The following FER variants were observed in gnomAD, a reference collection of about 807,000 sequenced individuals.
FER encodes the protein FER tyrosine kinase.
FER carries 63 observed loss-of-function variants against 111.0 expected under a neutral mutation model. That is an observed-to-expected ratio of 0.57 (90% CI 0.46 to 0.70). The LOEUF (loss-of-function observed/expected upper bound fraction) is 0.70, where lower values mean the gene tolerates loss of function less well. FER is among the 30% of genes least tolerant of loss of function. The probability of loss-of-function intolerance (pLI) is 0.00; values close to 1 mark genes in which losing one functional copy is unlikely to be tolerated. For synonymous variants in FER, 327 were observed against 313.9 expected, an observed-to-expected ratio of 1.04 and a Z score of -0.44; for missense variants, 914 against 954.0, an observed-to-expected ratio of 0.96 and a Z score of 0.55.
intron 10 of FER, among the ~76,000 whole-genome samples, chr5:108,935,799 A>T (rs1755381784): frequency 6.6e-6 from 1 of 151,954 alleles, no homozygotes; most frequent in Admixed American, 6.6e-5. Context: ...TTATGGTCCA[A>T]CTCTGAGTTA....
At chr5:108,923,895 C>T (rs1252001334) in intron 10 of FER, among the ~76,000 whole-genome samples, 1 of 151,832 alleles carries the variant, frequency 6.6e-6, no homozygotes, top group Admixed American at 6.6e-5. Context: ...AAAATTAAAA[C>T]ACATTGGATT....
intron 16 of FER, chr5:109,051,871 T>C: frequency 6.4e-7 from 1 of 1,561,644 alleles, no homozygotes; most frequent in Non-Finnish European, 8.8e-7. Context: ...GAGGAAGCAG[T>C]CCACCTGATG....
At chr5:109,054,488 TAA>T (rs1485300168) in intron 16 of FER, among the ~76,000 whole-genome samples, 1 of 152,242 alleles carries the variant, frequency 6.6e-6, no homozygotes, top group Non-Finnish European at 1.5e-5. Flanking sequence ...TTCTTGTAAT[TAA>T]GTCTTGGTTC....
At chr5:109,135,199 T>A (rs1268687302) in intron 17 of FER, among the ~76,000 whole-genome samples, 2 of 152,132 alleles carry the variant, frequency 1.3e-5, no homozygotes, top group Non-Finnish European at 2.9e-5. Context: ...ATAATAATGG[T>A]AGGTAACATT....
rs1279200968 is a variant in FER at position 108,898,552 on chromosome 5, CTCCCT to C, written c.1236+720_1236+724del. Among the ~76,000 whole-genome samples, 637 of 130,378 alleles carry C rather than the reference CTCCCT, an allele frequency of 4.9e-3. 3 individuals are homozygous for C. The highest frequency in any genetic ancestry group is 7.9e-3 in the Non-Finnish European group (476 of 60,104). The allele number at this position is 130,378 out of a possible 152,430, so 85.5% of individuals were successfully genotyped here. On this transcript the variant is annotated intron_variant, in intron 10 of 19. Transcript: ENST00000281092. ...CTTTCCCTCCCTTCCCCTCCCCTTC[CTCCCT>C]TCCCTTCCCTTCCCTCCCTTCCCCT...
chr5:108,931,222 C>G (rs1232024235), intron 10 of FER, among the ~76,000 whole-genome samples: 2 of 152,136 alleles, frequency 1.3e-5, no homozygotes, highest in Admixed American at 1.3e-4. Context: ...TTAGTATTCT[C>G]TTTTCAACAG....
intron 17 of FER, among the ~76,000 whole-genome samples, chr5:109,118,959 C>G (rs949579872): frequency 2.6e-5 from 4 of 151,154 alleles, no homozygotes; most frequent in Non-Finnish European, 4.4e-5. Context: ...AAAAAACCAG[C>G]TGCTGGATTC....
At chr5:108,884,512 G>GTTTTTTTTTTTT (rs776345488) in intron 9 of FER, among the ~76,000 whole-genome samples, 3 of 144,526 alleles carry the variant, frequency 2.1e-5, no homozygotes, top group African/African-American at 5.1e-5. Flanking sequence ...CTTATGCCTG[G>GTTTTTTTTTTTT]TTTTTTTTTT....
intron 17 of FER, among the ~76,000 whole-genome samples, chr5:109,165,251 T>C (rs1756408600): frequency 6.6e-6 from 1 of 152,184 alleles, no homozygotes; most frequent in South Asian, 2.1e-4. Context: ...GGTATACCCC[T>C]ACAAGAGGTG....
intron 5 of FER, among the ~76,000 whole-genome samples, chr5:108,836,509 T>C (rs1163228274): frequency 6.6e-6 from 1 of 152,126 alleles, no homozygotes; most frequent in East Asian, 1.9e-4. Context: ...ATTTTTTCTT[T>C]ATGAAAGTTG....
At chr5:108,975,901 A>G (rs1174864750) in intron 13 of FER, among the ~76,000 whole-genome samples, 2 of 152,150 alleles carry the variant, frequency 1.3e-5, no homozygotes, top group African/African-American at 4.8e-5. Context: ...ATGGACTGAG[A>G]TGCTATAGGA....
chr5:108,966,482 G>C (rs1219881781), intron 13 of FER, among the ~76,000 whole-genome samples: 13 of 150,962 alleles, frequency 8.6e-5, no homozygotes, highest in Admixed American at 7.9e-4. Flanking sequence ...CCACCTCCTG[G>C]GTTCAAGCAA....
chr5:108,872,974 G>A (rs545295836), intron 8 of FER, among the ~76,000 whole-genome samples: 1 of 152,054 alleles, frequency 6.6e-6, no homozygotes, highest in Non-Finnish European at 1.5e-5. Flanking sequence ...CATATCACCT[G>A]TTGGAAATTT....
At chr5:109,000,391 A>C (rs957047641) in intron 13 of FER, among the ~76,000 whole-genome samples, 4 of 152,112 alleles carry the variant, frequency 2.6e-5, no homozygotes, top group Admixed American at 1.3e-4. Context: ...TTCATGAAGC[A>C]AAACAAATGG....
At chr5:108,797,403 A>G (rs910429790) in intron 2 of FER, among the ~76,000 whole-genome samples, 9 of 152,086 alleles carry the variant, frequency 5.9e-5, no homozygotes, top group Admixed American at 3.9e-4. Context: ...CTGAAACTCA[A>G]GTTCTGACTG....
rs1407660519 is a variant in FER at position 109,153,647 on chromosome 5, A to G, written c.2049-27100A>G. Among the ~76,000 whole-genome samples, 11 of 151,912 alleles carry G rather than the reference A, an allele frequency of 7.2e-5. No individual in the cohort carries two copies. In the East Asian group the frequency reaches 2.1e-3, roughly 29 times the overall value. On this transcript the variant is annotated intron_variant, in intron 17 of 19. Coordinates refer to ENST00000281092, the MANE Select transcript of FER (RefSeq NM_005246.4). ...TATCAACATTTATGTATTGCTTTCT[A>G]TTTGCCAGGATCTATTCTAAATTTT... is the stretch of plus-strand genomic sequence containing the variant.
rs567452812 is a variant in FER at position 108,981,681 on chromosome 5, TG to T, written c.1656+22335del. 3.2e-4 allele frequency among the ~76,000 whole-genome samples: 49 copies of T among 152,278 alleles called. 3 individuals carry two copies. The South Asian group carries it at 9.9e-3, about 31-fold the overall frequency. On this transcript the variant is annotated intron_variant, in intron 13 of 19. Transcript: ENST00000281092. ...CTAAGTGCTTTACTCATTAAATTTT[TG>T]TAAAAATCTTACGAGGTGGATATTA...
intron 13 of FER, among the ~76,000 whole-genome samples, chr5:108,971,118 T>G (rs1760595278): frequency 6.6e-6 from 1 of 152,088 alleles, no homozygotes; most frequent in Non-Finnish European, 1.5e-5. Flanking sequence ...ATGTTCATTT[T>G]ACCATGTTTC....
chr5:108,926,149 T>G (rs1251340649), intron 10 of FER, among the ~76,000 whole-genome samples: 2 of 151,630 alleles, frequency 1.3e-5, no homozygotes, highest in Non-Finnish European at 2.9e-5. Flanking sequence ...CTTAATTCTC[T>G]TAAATTTTAT....
Sources: gnomAD v4.1 joint callset for allele counts (sites outside exome capture counted in the v4.1 genomes callset) on GRCh38, gnomAD v4.1.1 for gene constraint, MANE v1.5 for transcripts, NCBI Gene and HGNC (gene_info 2026-07-23, HGNC 2026-07-21) for gene names.